ROBO2: variants seen among roughly 807,000 people sequenced by gnomAD.
ROBO2 encodes the protein roundabout homolog 2.
ROBO2 carries 53 observed loss-of-function variants against 160.8 expected under a neutral mutation model. The observed-to-expected ratio is 0.33, with a 90% CI of 0.26 to 0.41. The LOEUF (loss-of-function observed/expected upper bound fraction) is 0.41, where lower values mean the gene tolerates loss of function less well. ROBO2 is among the 10% of genes least tolerant of loss of function. The pLI is 1.00. For synonymous variants in ROBO2, 664 were observed against 611.7 expected, an observed-to-expected ratio of 1.09 and a Z score of -1.26; for missense variants, 1,577 against 1,722.4, an observed-to-expected ratio of 0.92 and a Z score of 1.49.
At chr3:77,476,330 G>T (rs558004695) in intron 2 of ROBO2, among the ~76,000 whole-genome samples, 48 of 151,700 alleles carry the variant, frequency 3.2e-4, no homozygotes, top group African/African-American at 1.1e-3. Flanking sequence ...GCCTAATGTT[G>T]ATTTCAAACA....
chr3:76,326,967 T>G (rs2073084492), intron 2 of ROBO2, among the ~76,000 whole-genome samples: 1 of 152,056 alleles, frequency 6.6e-6, no homozygotes, highest in South Asian at 2.1e-4. Context: ...TTATCTTACA[T>G]ACATAATTTT....
intron 2 of ROBO2, among the ~76,000 whole-genome samples, chr3:77,469,754 T>G (rs1436832849): frequency 6.6e-6 from 1 of 152,174 alleles, no homozygotes; most frequent in East Asian, 1.9e-4. Flanking sequence ...CAAATTGTTC[T>G]TCATAAATGA....
chr3:76,877,146 T>C (rs1478372276), intron 2 of ROBO2, among the ~76,000 whole-genome samples: 4 of 152,228 alleles, frequency 2.6e-5, no homozygotes, highest in Non-Finnish European at 5.9e-5. Context: ...ATCATTTTAT[T>C]AGTGTTTGAA....
chr3:76,814,040 A>G (rs1488842979), intron 2 of ROBO2, among the ~76,000 whole-genome samples: 1 of 152,160 alleles, frequency 6.6e-6, no homozygotes, highest in Non-Finnish European at 1.5e-5. Context: ...ATAATATTCA[A>G]TCTCATTATA....
intron 2 of ROBO2, among the ~76,000 whole-genome samples, chr3:76,874,764 T>C (rs964781845): frequency 1.3e-5 from 2 of 152,178 alleles, no homozygotes; most frequent in Non-Finnish European, 2.9e-5. Context: ...TCATTTAATT[T>C]CTTCACAGTT....
intron 2 of ROBO2, among the ~76,000 whole-genome samples, chr3:76,242,137 G>A (rs567166004): frequency 6.6e-6 from 1 of 152,058 alleles, no homozygotes; most frequent in Admixed American, 6.6e-5. Flanking sequence ...AATGGATCTT[G>A]GTTAATGCAT....
intron 2 of ROBO2, among the ~76,000 whole-genome samples, chr3:76,452,696 G>A (rs999336543): frequency 6.6e-6 from 1 of 152,184 alleles, no homozygotes; most frequent in African/African-American, 2.4e-5. Flanking sequence ...ACTCAGTAAT[G>A]GGATGGCTGG....
intron 1 of ROBO2, among the ~76,000 whole-genome samples, chr3:75,926,326 T>C (rs6783424): frequency 0.99 from 151,194 of 152,282 alleles, 75,059 homozygotes; most frequent in Middle Eastern, 1. Flanking sequence ...GTTGGTTGTA[T>C]GGTTTATTTA....
intron 2 of ROBO2, among the ~76,000 whole-genome samples, chr3:76,685,427 A>C (rs2107059639): frequency 6.6e-6 from 1 of 152,248 alleles, no homozygotes; most frequent in East Asian, 1.9e-4. Flanking sequence ...AATTATTGAA[A>C]AATTTCTTTC....
intron 2 of ROBO2, among the ~76,000 whole-genome samples, chr3:76,389,587 C>G (rs1045519529): frequency 2.0e-5 from 3 of 152,150 alleles, no homozygotes; most frequent in African/African-American, 7.2e-5. Flanking sequence ...ACTGATAAAT[C>G]TTAAATTCAT....
intron 21 of ROBO2, among the ~76,000 whole-genome samples, chr3:77,617,207 A>G (rs1232856583): frequency 7.0e-6 from 1 of 142,750 alleles, no homozygotes; most frequent in East Asian, 2.1e-4. Flanking sequence ...TTTAATTAGC[A>G]ATTTGGTTTT....
chr3:76,494,290 A>G (rs1459899244), intron 2 of ROBO2, among the ~76,000 whole-genome samples: 1 of 152,210 alleles, frequency 6.6e-6, no homozygotes, highest in Non-Finnish European at 1.5e-5. Context: ...GAGCCTGCGA[A>G]TTAAACTGAC....
intron 1 of ROBO2, among the ~76,000 whole-genome samples, chr3:77,090,645 C>T (rs1578876101): frequency 6.6e-6 from 1 of 151,890 alleles, no homozygotes; most frequent in African/African-American, 2.4e-5. Flanking sequence ...TGAGTCACAG[C>T]GCCCGGCCTA....
chr3:76,053,500 A>T (rs1352914963), intron 2 of ROBO2, among the ~76,000 whole-genome samples: 1 of 152,086 alleles, frequency 6.6e-6, no homozygotes, highest in African/African-American at 2.4e-5. Context: ...TGAGAATAAC[A>T]TGTATGTATA....
At position 77,558,120 on chromosome 3, in the gene ROBO2, C is replaced by T; in HGVS notation, c.1408C>T (p.Gln470Ter). Residue 470 changes from glutamine (Q) to a stop codon, truncating the protein, a stop_gained, in exon 9 of 26, where the codon CAA becomes TAA. Coordinates refer to ENST00000461745, the Ensembl canonical transcript of ROBO2. LOFTEE classifies it high-confidence loss of function. ...AGATCCAAGAGCAACAATTCAAGAG[C>T]AAGGCACACTGCAGATTAAGAATTT... The T allele has an allele frequency of 6.2e-7, 1 of 1,613,048 alleles. No homozygotes were observed. The highest frequency in any genetic ancestry group is 8.5e-7 in the Non-Finnish European group (1 of 1,179,280).
At chr3:77,558,776 A>G (rs1460834953) in intron 9 of ROBO2, among the ~76,000 whole-genome samples, 2 of 152,106 alleles carry the variant, frequency 1.3e-5, no homozygotes, top group African/African-American at 4.8e-5. Flanking sequence ...TAAAATGTCT[A>G]CTTCTGAATA....
chr3:76,866,271 A>G (rs879383863), intron 2 of ROBO2, among the ~76,000 whole-genome samples: 6 of 152,192 alleles, frequency 3.9e-5, no homozygotes, highest in South Asian at 2.1e-4. Flanking sequence ...TAGCTGTCCA[A>G]TAAAATTATT....
intron 2 of ROBO2, among the ~76,000 whole-genome samples, chr3:76,370,001 A>C (rs1347853060): frequency 2.0e-5 from 3 of 151,938 alleles, no homozygotes; most frequent in Admixed American, 1.3e-4. Context: ...GCAGATAGAC[A>C]CTCATTAATA....
intron 2 of ROBO2, among the ~76,000 whole-genome samples, chr3:77,133,310 T>C (rs1387732654): frequency 1.3e-5 from 2 of 152,110 alleles, no homozygotes; most frequent in Non-Finnish European, 2.9e-5. Flanking sequence ...ATTTAACATA[T>C]ATGTGATTTT....
Sources: allele counts gnomAD v4.1 joint callset (sites outside exome capture counted in the v4.1 genomes callset), GRCh38; gene constraint gnomAD v4.1.1; transcripts MANE v1.5; gene names NCBI Gene and HGNC (gene_info 2026-07-23, HGNC 2026-07-21).